HERC6: variants seen among roughly 807,000 people sequenced by gnomAD.
The protein encoded by HERC6 is HECT and RLD domain containing E3 ubiquitin protein ligase family member 6.
In HERC6, 101 loss-of-function variants were observed where a neutral mutation model predicts 114.5. That is an observed-to-expected ratio of 0.88 (90% confidence interval 0.75 to 1.04). The LOEUF is 1.04. HERC6 is among the 50% of genes least tolerant of loss of function. The pLI, the probability that HERC6 is intolerant of heterozygous loss-of-function variation, is 0.00. For synonymous variants in HERC6, 408 were observed against 436.2 expected (o/e 0.94, Z 0.81); for missense variants, 1,133 against 1,230.9 (o/e 0.92, Z 1.19).
Position 88,378,907 on chromosome 4 carries a change from G to A in HERC6, c.-15G>A. The stretch of plus-strand genomic sequence containing the variant: ...CCGACGGAATCCGGAGCAGGCGACA[G>A]GGCGCAGAAGCGGGATGTACTTCTG... On this transcript the variant is annotated 5_prime_UTR_variant, in exon 1 of 23. Transcript: ENST00000264346. 6.4e-7 allele frequency: 1 copy of A among 1,573,482 alleles called. No individual in the cohort carries two copies. The highest frequency in any genetic ancestry group is 1.3e-5 in the African/African-American group (1 of 74,076).
At chr4:88,391,722 A>G (rs1031389589) in intron 4 of HERC6, among the ~76,000 whole-genome samples, 1 of 152,186 alleles carries the variant, frequency 6.6e-6, no homozygotes. Flanking sequence ...CCTCTAGGCA[A>G]AAGAAAACTT....
Position 88,424,608 on chromosome 4 carries a change from C to A in HERC6, c.1841C>A (p.Thr614Asn). The A allele has an allele frequency of 6.2e-7, 1 of 1,604,636 alleles. No individual in the cohort carries two copies. The highest frequency in any genetic ancestry group is 8.5e-7 in the Non-Finnish European group (1 of 1,174,438). The change falls in exon 15 of 23, where the codon ACC becomes AAC. Residue 614 changes from threonine to asparagine, a missense_variant. Around this residue, in one of 3 missense-constraint regions of HERC6, gnomAD observed 735 missense variants for 754.0 expected, o/e 0.97. Transcript: ENST00000264346. Reference protein sequence around the residue: ...FRDNHLIPAETPSPVIFSDFP... With the variant: ...FRDNHLIPAENPSPVIFSDFP... ...TTTATTTTTTAGATACCTGCAGAAACCCCCAGTCCTGTTATTTTCAGTGAT... is the reference window on the plus strand; with the variant it reads ...TTTATTTTTTAGATACCTGCAGAAAACCCCAGTCCTGTTATTTTCAGTGAT...
chr4:88,430,803 G>C (rs1209187944), intron 16 of HERC6, among the ~76,000 whole-genome samples: 1 of 152,120 alleles, frequency 6.6e-6, no homozygotes, highest in Non-Finnish European at 1.5e-5. Flanking sequence ...TGAATGATGA[G>C]ATGGACAACA....
chr4:88,389,152 C>T (rs984382435), intron 3 of HERC6, among the ~76,000 whole-genome samples: 1 of 151,818 alleles, frequency 6.6e-6, no homozygotes, highest in Admixed American at 6.6e-5. Flanking sequence ...GACACAAAGG[C>T]CATGGGGTTG....
At chr4:88,415,216 G>A (rs1560551521) in intron 12 of HERC6, among the ~76,000 whole-genome samples, 1 of 152,068 alleles carries the variant, frequency 6.6e-6, no homozygotes, top group Non-Finnish European at 1.5e-5. Context: ...TCCACAACTT[G>A]CTTTCTCCCA....
In HERC6 at chr4:88,383,496, T is replaced by C. The variant is rs568602367; in HGVS notation, c.359+116T>C. ...ATGACAGGCCAGCTGCAGTGGTTCATGTCTGTAATCCCAACACTTTGGAAG... is the reference window on the plus strand; with the variant it reads ...ATGACAGGCCAGCTGCAGTGGTTCACGTCTGTAATCCCAACACTTTGGAAG... On this transcript the variant is annotated intron_variant, in intron 2 of 22. Coordinates refer to ENST00000264346, the MANE Select transcript of HERC6 (RefSeq NM_017912.4). 23 of 789,850 alleles carry C rather than the reference T, an allele frequency of 2.9e-5. No individual in the cohort carries two copies. In the South Asian group the frequency reaches 6.1e-4, roughly 21 times the overall value. The allele number at this position is 789,850 out of a possible 1,614,324, so 48.9% of individuals were successfully genotyped here.
In HERC6 at chr4:88,417,592, C is replaced by T. The variant is rs751874895; in HGVS notation, c.1713+13C>T. The T allele has an allele frequency of 1.9e-6, 3 of 1,604,662 alleles. No individual in the cohort carries two copies. The highest frequency in any genetic ancestry group is 2.6e-6 in the Non-Finnish European group (3 of 1,174,510). On this transcript the variant is annotated intron_variant, in intron 13 of 22. Coordinates refer to ENST00000264346, the MANE Select transcript of HERC6 (RefSeq NM_017912.4). Reference sequence around the variant, plus strand: ...AGAACTGCATAAGGTAAGGGTTACTCTAAAGGAATGCATGTACTATTTTAT... The same window carrying T: ...AGAACTGCATAAGGTAAGGGTTACTTTAAAGGAATGCATGTACTATTTTAT...
intron 11 of HERC6, among the ~76,000 whole-genome samples, chr4:88,409,272 A>G (rs1041335790): frequency 6.6e-6 from 1 of 152,314 alleles, no homozygotes; most frequent in Non-Finnish European, 1.5e-5. Context: ...CATTTAAACT[A>G]TAAACTAAAT....
intron 16 of HERC6, among the ~76,000 whole-genome samples, chr4:88,429,807 C>A (rs1448382206): frequency 1.3e-5 from 2 of 152,106 alleles, no homozygotes; most frequent in Non-Finnish European, 2.9e-5. Context: ...TCCCTTCATA[C>A]CTATTTTTCT....
intron 4 of HERC6, among the ~76,000 whole-genome samples, chr4:88,392,591 T>A (rs1468519237): frequency 6.6e-6 from 1 of 152,188 alleles, no homozygotes; most frequent in Non-Finnish European, 1.5e-5. Context: ...GTCACTTATT[T>A]CAAACCCTAA....
intron 3 of HERC6, among the ~76,000 whole-genome samples, chr4:88,390,388 G>A (rs72663404): frequency 0.23 from 35,025 of 151,260 alleles, 4,083 homozygotes; most frequent in Non-Finnish European, 0.25. Flanking sequence ...TTGCTAAGAG[G>A]GTAGATCTTA....
intron 8 of HERC6, among the ~76,000 whole-genome samples, chr4:88,400,023 A>G (rs1000521118): frequency 2.0e-5 from 3 of 152,162 alleles, no homozygotes. Context: ...CCAGTGAGGC[A>G]GAACCATAGG....
chr4:88,413,004 C>A, intron 11 of HERC6, 73 bp from the exon 12 acceptor site: 1 of 1,110,598 alleles, frequency 9.0e-7, no homozygotes, highest in Non-Finnish European at 1.3e-6. Flanking sequence ...CCCTTAATTT[C>A]ACAGCTTGCT....
intron 1 of HERC6, among the ~76,000 whole-genome samples, chr4:88,382,742 G>T (rs757168698): frequency 5.9e-5 from 9 of 152,174 alleles, no homozygotes; most frequent in Non-Finnish European, 1.2e-4. Context: ...ATGCCAGGGG[G>T]AACCTTTGAT....
intron 4 of HERC6, among the ~76,000 whole-genome samples, chr4:88,393,260 A>G (rs1735015372): frequency 2.6e-5 from 4 of 152,090 alleles, no homozygotes; most frequent in Admixed American, 2.6e-4. Context: ...AATTATGTTA[A>G]TGAATTATAA....
intron 12 of HERC6, among the ~76,000 whole-genome samples, chr4:88,416,001 T>A (rs1043190006): frequency 6.6e-6 from 1 of 152,224 alleles, no homozygotes; most frequent in Non-Finnish European, 1.5e-5. Flanking sequence ...ATGAAGAAAC[T>A]GCATTCCTGC....
At chr4:88,405,651 T>C in intron 10 of HERC6, 38 bp downstream of exon 10, 1 of 1,091,670 alleles carries the variant, frequency 9.2e-7, no homozygotes, top group Non-Finnish European at 1.3e-6. Context: ...TTTAAAACAC[T>C]GGAAAATATT....
At position 88,378,874 on chromosome 4, in the gene HERC6, C is replaced by T. The variant is rs1178111274; in HGVS notation, c.-48C>T. 2 of 1,503,332 alleles carry T rather than the reference C, an allele frequency of 1.3e-6. No individual in the cohort carries two copies. The highest frequency in any genetic ancestry group is 1.3e-5 in the South Asian group (1 of 77,550). The allele number at this position is 1,503,332 out of a possible 1,614,324, so 93.1% of individuals were successfully genotyped here. A position where few individuals can be genotyped will look rare whatever the true frequency, so the allele number is the denominator to read the frequency against. On this transcript the variant is annotated 5_prime_UTR_variant, in exon 1 of 23. Coordinates refer to ENST00000264346, the MANE Select transcript of HERC6 (RefSeq NM_017912.4). ...GTCACCAGCGTTCGGGAGCCTGTCG[C>T]AGCGGGACCGACGGAATCCGGAGCA...
intron 15 of HERC6, among the ~76,000 whole-genome samples, chr4:88,428,054 T>C (rs1737806198): frequency 6.6e-6 from 1 of 152,228 alleles, no homozygotes; most frequent in South Asian, 2.1e-4. Context: ...AGGCCACCTG[T>C]GGCATATTCT....
Sources: gnomAD v4.1 joint callset for allele counts (sites outside exome capture counted in the v4.1 genomes callset) on GRCh38, gnomAD v4.1.1 for gene constraint, gnomAD v4.1.1 regional missense constraint, MANE v1.5 for transcripts, NCBI Gene and HGNC (gene_info 2026-07-23, HGNC 2026-07-21) for gene names.